ABLIM1: variants seen among roughly 807,000 people sequenced by gnomAD.
ABLIM1 encodes actin-binding LIM protein 1.
ABLIM1 carries 40 observed loss-of-function variants against 107.0 expected under a neutral mutation model. The observed-to-expected ratio is 0.37, with a 90% CI of 0.29 to 0.49. The LOEUF (loss-of-function observed/expected upper bound fraction) is 0.49, where lower values mean the gene tolerates loss of function less well. Among genes scored for constraint, ABLIM1 ranks in the 20% least tolerant of loss-of-function variants. ABLIM1 has a pLI of 0.97. For synonymous variants in ABLIM1, 357 were observed against 357.3 expected (o/e 1.00, Z 0.01); for missense variants, 857 against 1,008.5 (o/e 0.85, Z 2.04).
Position 114,471,797 on chromosome 10 carries a change from G to A in ABLIM1, c.1275+1180C>T, listed in dbSNP as rs2066627390. Among the ~76,000 whole-genome samples the A allele has an allele frequency of 3.3e-5, 5 of 152,234 alleles. No individual in the cohort carries two copies. In the South Asian group the frequency reaches 1.0e-3, roughly 32 times the overall value. ...GACCTCAAAGCACTGTGAGATGCTA[G>A]ATTGTTTATATTCTGTTTTAACCTT... is the stretch of plus-strand genomic sequence containing the variant. On this transcript the variant is annotated intron_variant, in intron 10 of 22. Coordinates refer to ENST00000533213, the MANE Select transcript of ABLIM1 (RefSeq NM_002313.7).
intron 3 of ABLIM1, among the ~76,000 whole-genome samples, chr10:114,575,167 C>T (rs982577742): frequency 6.6e-6 from 1 of 152,182 alleles, no homozygotes; most frequent in African/African-American, 2.4e-5. Context: ...TTTTGAGACC[C>T]AGAGCTGCTT....
intron 11 of ABLIM1, 33 bp from the exon 12 acceptor site, chr10:114,465,860 A>G (rs1408518723): frequency 6.2e-7 from 1 of 1,611,866 alleles, no homozygotes; most frequent in Non-Finnish European, 8.5e-7. Flanking sequence ...TCAGGCTATC[A>G]CCATGCCTCA....
At chr10:114,462,191 A>G (rs2064078514) in intron 12 of ABLIM1, among the ~76,000 whole-genome samples, 1 of 152,200 alleles carries the variant, frequency 6.6e-6, no homozygotes, top group South Asian at 2.1e-4. Context: ...GGAGCAGCAC[A>G]TGGTTAAGAG....
At chr10:114,789,222 T>C in the ABLIM1 span, among the ~76,000 whole-genome samples, 1 of 151,400 alleles carries the variant, frequency 6.6e-6, no homozygotes, top group African/African-American at 2.4e-5. Flanking sequence ...ACCACTGCAC[T>C]CCAGCCTGGG....
chr10:114,509,329 C>A (rs572137335), intron 6 of ABLIM1, among the ~76,000 whole-genome samples: 1 of 152,112 alleles, frequency 6.6e-6, no homozygotes, highest in African/African-American at 2.4e-5. Flanking sequence ...TGTGGCCATT[C>A]GTGTCTTCAA....
intron 1 of ABLIM1, among the ~76,000 whole-genome samples, chr10:114,762,868 T>A (rs2082780992): frequency 6.6e-6 from 1 of 152,210 alleles, no homozygotes; most frequent in South Asian, 2.1e-4. Context: ...CCAATAACTG[T>A]GTAATAGTCC....
At chr10:114,447,850 C>T (rs1248492250) in intron 15 of ABLIM1, 30 bp downstream of exon 15, 10 of 1,612,868 alleles carry the variant, frequency 6.2e-6, no homozygotes, top group Non-Finnish European at 8.5e-6. Context: ...AGCAGTTTGT[C>T]CCTTTGACTT....
chr10:114,465,740 T>G lies in ABLIM1; in HGVS notation c.1399A>C (p.Thr467Pro). 6.2e-7 allele frequency: 1 copy of G among 1,613,948 alleles called. No homozygotes were observed. The highest frequency in any genetic ancestry group is 8.5e-7 in the Non-Finnish European group (1 of 1,179,992). The change falls in exon 12 of 23, where the codon ACT becomes CCT. Residue 467 changes from threonine to proline, a missense_variant. Physicochemically the swap from Thr to Pro is conservative, Grantham distance 38. Coordinates refer to ENST00000533213, the MANE Select transcript of ABLIM1 (RefSeq NM_002313.7). ...TGGGGAGAGCGGGACGTGGTTGGAG[T>G]GTAGCTGTGGCGGCTGTACACAGGG... ...NSPVYSRHSYTPTTSRSPQHF... is the reference protein window; with the variant it reads ...NSPVYSRHSYPPTTSRSPQHF...
chr10:114,668,111 C>T (rs535927051), intron 1 of ABLIM1, among the ~76,000 whole-genome samples: 8 of 148,910 alleles, frequency 5.4e-5, no homozygotes, highest in South Asian at 4.3e-4. Context: ...GGGGGCAGTG[C>T]TTGGGGGAGG....
intron 6 of ABLIM1, among the ~76,000 whole-genome samples, chr10:114,544,312 C>T (rs1327279355): frequency 1.3e-5 from 2 of 152,210 alleles, no homozygotes; most frequent in African/African-American, 4.8e-5. Context: ...GCTGACACCC[C>T]ACAGGCCTGG....
chr10:114,466,791 C>G (rs560849189), intron 11 of ABLIM1, among the ~76,000 whole-genome samples: 5 of 152,262 alleles, frequency 3.3e-5, no homozygotes, highest in Non-Finnish European at 7.3e-5. Flanking sequence ...TATTCAAATA[C>G]TTTCATAGTA....
chr10:114,593,199 G>A (rs1213521455), intron 2 of ABLIM1, among the ~76,000 whole-genome samples: 1 of 152,160 alleles, frequency 6.6e-6, no homozygotes, highest in African/African-American at 2.4e-5. Flanking sequence ...TAGATAATTT[G>A]TTCTTCCTTG....
rs1054250161 is a variant in ABLIM1 at position 114,488,168 on chromosome 10, C to A, written c.983-152G>T. The A allele has an allele frequency of 4.8e-6, 4 of 835,240 alleles. No individual in the cohort carries two copies. In the Admixed American group the frequency reaches 8.3e-5, roughly 17 times the overall value. 51.7% of individuals were successfully genotyped at this position (835,240 alleles called of 1,614,324 possible). ...TCCAAGTGAATCATAACACAAAAAT[C>A]AGACATGTCCAAAGCCTAAGTGAGT... On this transcript the variant is annotated intron_variant, in intron 7 of 22. Coordinates refer to ENST00000533213, the MANE Select transcript of ABLIM1 (RefSeq NM_002313.7).
the ABLIM1 span, chr10:114,779,417 C>T: frequency 3.3e-5 from 5 of 152,108 alleles, no homozygotes; most frequent in Admixed American, 2.0e-4. Flanking sequence ...CTTTCCTTGC[C>T]CTTTTTTCTT....
rs780427631 is a variant in ABLIM1, at chr10:114,547,703, C to T, written c.747G>A (p.Gly249=). ...LLALDKQWHL[G]CFKCKSCGKV... ...TCCCGCAGGACTTGCATTTAAAGCA[C>T]CCCAAGTGCCACTGCTTATCCAGCG... The change falls in exon 5 of 23, where the codon GGG becomes GGA. Residue 249 remains glycine (G), a synonymous_variant. Coordinates refer to ENST00000533213, the MANE Select transcript of ABLIM1 (RefSeq NM_002313.7). 1.9e-5 allele frequency: 30 copies of T among 1,613,664 alleles called. No individual in the cohort carries two copies. In the East Asian group the frequency reaches 5.8e-4, roughly 31 times the overall value.
intron 8 of ABLIM1, among the ~76,000 whole-genome samples, chr10:114,481,291 C>T (rs570214028): frequency 2.0e-5 from 3 of 151,928 alleles, no homozygotes; most frequent in Admixed American, 2.0e-4. Context: ...GCCCTCCCCC[C>T]ATTCAGCAGG....
At chr10:114,631,632 A>T (rs540877485) in intron 1 of ABLIM1, among the ~76,000 whole-genome samples, 17 of 152,194 alleles carry the variant, frequency 1.1e-4, no homozygotes, top group African/African-American at 3.6e-4. Flanking sequence ...ACAACAAAAA[A>T]TTCAAAATGC....
upstream of ABLIM1, among the ~76,000 whole-genome samples, chr10:114,686,961 G>A (rs906236752): frequency 6.6e-5 from 10 of 152,100 alleles, no homozygotes; most frequent in Non-Finnish European, 1.5e-5. Context: ...TAGCAATGGA[G>A]CTTATACCAT....
chr10:114,621,499 A>C (rs1224536695), intron 1 of ABLIM1, among the ~76,000 whole-genome samples: 1 of 152,220 alleles, frequency 6.6e-6, no homozygotes, highest in African/African-American at 2.4e-5. Flanking sequence ...TGGAGCAGAC[A>C]CTGTGTAATG....
Sources: gnomAD v4.1 joint callset for allele counts (sites outside exome capture counted in the v4.1 genomes callset) on GRCh38, gnomAD v4.1.1 for gene constraint, MANE v1.5 for transcripts, NCBI Gene and HGNC (gene_info 2026-07-23, HGNC 2026-07-21) for gene names.